SHANK2: variants seen among roughly 807,000 people sequenced by gnomAD.
SHANK2 encodes the protein SH3 and multiple ankyrin repeat domains 2, also known as SH3 and multiple ankyrin repeat domains protein 2.
In SHANK2, 43 loss-of-function variants were observed where a neutral mutation model predicts 133.7. The observed-to-expected ratio is 0.32, with a 90% CI of 0.25 to 0.41. The LOEUF is 0.41. SHANK2 is among the 10% of genes least tolerant of loss of function. SHANK2 has a pLI of 1.00. For synonymous variants in SHANK2, 1,017 were observed against 952.8 expected (o/e 1.07, Z -1.24); for missense variants, 1,994 against 2,235.8 (o/e 0.89, Z 2.18).
intron 2 of SHANK2, among the ~76,000 whole-genome samples, chr11:71,149,299 T>G (rs2135412745): frequency 6.6e-6 from 1 of 152,258 alleles, no homozygotes; most frequent in African/African-American, 2.4e-5. Context: ...AGAGACAGCT[T>G]TAGACCCTTG....
At chr11:70,844,610 G>A (rs1192902110) in intron 11 of SHANK2, among the ~76,000 whole-genome samples, 7 of 152,176 alleles carry the variant, frequency 4.6e-5, no homozygotes, top group Admixed American at 2.0e-4. Flanking sequence ...GGGATGTTAC[G>A]TAATATTCCT....
intron 14 of SHANK2, among the ~76,000 whole-genome samples, chr11:70,787,498 C>G (rs62638902): frequency 4.9e-5 from 3 of 61,064 alleles, no homozygotes; most frequent in Admixed American, 2.3e-4. Context: ...CCACCACCAG[C>G]ATCACCACCA....
intron 10 of SHANK2, among the ~76,000 whole-genome samples, chr11:70,919,817 A>C (rs1002430288): frequency 2.6e-5 from 4 of 152,224 alleles, no homozygotes; most frequent in Non-Finnish European, 5.9e-5. Flanking sequence ...ACTTGTTAAG[A>C]TTCTGCACAT....
chr11:70,918,004 C>T (rs1382566833), intron 10 of SHANK2, among the ~76,000 whole-genome samples: 1 of 141,442 alleles, frequency 7.1e-6, no homozygotes, highest in Non-Finnish European at 1.5e-5. Flanking sequence ...CACATATACC[C>T]CTGAACTTAA....
At chr11:70,916,380 G>A (rs1028000172) in intron 10 of SHANK2, among the ~76,000 whole-genome samples, 2 of 151,972 alleles carry the variant, frequency 1.3e-5, no homozygotes, top group Non-Finnish European at 2.9e-5. Flanking sequence ...CAACCCGGCT[G>A]GCCATCACAT....
At chr11:70,766,256 G>T (rs1201437796) in intron 14 of SHANK2, among the ~76,000 whole-genome samples, 1 of 152,248 alleles carries the variant, frequency 6.6e-6, no homozygotes, top group Non-Finnish European at 1.5e-5. Flanking sequence ...CAGAGGCCAG[G>T]TCCCTGTATG....
At chr11:70,829,268 C>T (rs1360511309) in intron 11 of SHANK2, among the ~76,000 whole-genome samples, 4 of 152,308 alleles carry the variant, frequency 2.6e-5, no homozygotes, top group African/African-American at 9.6e-5. Context: ...AAACCCAGAA[C>T]CTCTGGACGG....
rs1355028447 is a variant in SHANK2 at position 70,898,014 on chromosome 11, G to A, written c.1108-1447C>T. Among the ~76,000 whole-genome samples the A allele has an allele frequency of 7.4e-5, 11 of 148,770 alleles. No homozygotes were observed. In the Admixed American group the frequency reaches 7.4e-4, roughly 10 times the overall value. On this transcript the variant is annotated intron_variant, in intron 10 of 25. Transcript: ENST00000601538. ...GTCTTGTTCTGTCATCCAGGCTGGA[G>A]TGCAGTGATGTGATCTTGGCTCACT... is the stretch of plus-strand genomic sequence containing the variant.
At chr11:70,608,051 C>T (rs12289664) in intron 17 of SHANK2, among the ~76,000 whole-genome samples, 7,865 of 152,288 alleles carry the variant, frequency 0.052, 419 homozygotes, top group East Asian at 0.23. Flanking sequence ...GACCACTGCC[C>T]GCCATGTCCG....
chr11:70,658,858 T>C (rs1555012408), intron 17 of SHANK2, among the ~76,000 whole-genome samples: 1 of 152,238 alleles, frequency 6.6e-6, no homozygotes, highest in African/African-American at 2.4e-5. Context: ...GGATGCCACG[T>C]ACCCACCCCT....
chr11:70,702,496 CCAT>C lies in SHANK2; in HGVS notation c.1778-3736_1778-3734del, dbSNP rs1303814519. On this transcript the variant is annotated intron_variant, in intron 14 of 25. Coordinates refer to ENST00000601538, the MANE Select transcript of SHANK2 (RefSeq NM_012309.5). The stretch of plus-strand genomic sequence containing the variant: ...ACTAATCATCATCATGACCCCATCA[CCAT>C]CATCAGCACCACCATCCTCTTCTTC... Among the ~76,000 whole-genome samples the C allele has an allele frequency of 2.6e-5, 4 of 151,966 alleles. No homozygotes were observed. In the East Asian group the frequency reaches 7.7e-4, roughly 29 times the overall value.
chr11:71,214,757 G>A (rs1954368310), intron 2 of SHANK2, among the ~76,000 whole-genome samples: 2 of 152,140 alleles, frequency 1.3e-5, no homozygotes, highest in Admixed American at 6.5e-5. Flanking sequence ...GGGGTATCGC[G>A]CAGTTCTGAC....
chr11:70,821,420 TTTGTTG>T (rs1300804695), intron 11 of SHANK2, among the ~76,000 whole-genome samples: 1 of 151,806 alleles, frequency 6.6e-6, no homozygotes, highest in Non-Finnish European at 1.5e-5. Flanking sequence ...ATCTGGTTGT[TTTGTTG>T]TTGTTGTTGT....
chr11:71,129,566 G>A (rs1202900020), intron 3 of SHANK2, among the ~76,000 whole-genome samples: 3 of 152,160 alleles, frequency 2.0e-5, no homozygotes, highest in African/African-American at 2.4e-5. Flanking sequence ...GGTCCCTTGA[G>A]CTGGGAGGTT....
intron 17 of SHANK2, among the ~76,000 whole-genome samples, chr11:70,546,454 G>A (rs1021902027): frequency 2.0e-5 from 3 of 152,172 alleles, no homozygotes; most frequent in Non-Finnish European, 1.5e-5. Flanking sequence ...AATTCAAGAG[G>A]TTTTAAGAGT....
intron 2 of SHANK2, among the ~76,000 whole-genome samples, chr11:71,209,270 T>C (rs150246425): frequency 6.6e-6 from 1 of 152,312 alleles, no homozygotes; most frequent in Non-Finnish European, 1.5e-5. Context: ...GCAAGGACTG[T>C]CATGATTGTT....
chr11:71,064,948 T>C (rs1951030241), intron 9 of SHANK2, among the ~76,000 whole-genome samples: 1 of 152,054 alleles, frequency 6.6e-6, no homozygotes, highest in South Asian at 2.1e-4. Context: ...TGGGGTTTTC[T>C]AGAAGGCGCA....
chr11:71,085,506 GTTATATTATATATGCTATATA>G (rs1201885848), intron 8 of SHANK2, among the ~76,000 whole-genome samples: 5 of 106,266 alleles, frequency 4.7e-5, no homozygotes, highest in African/African-American at 1.9e-4. Flanking sequence ...TAATATATAT[GTTATATTATATATGCTATATA>G]TTATATTATA....
chr11:70,814,743 C>T (rs1220514217), intron 12 of SHANK2, among the ~76,000 whole-genome samples: 1 of 152,238 alleles, frequency 6.6e-6, no homozygotes, highest in African/African-American at 2.4e-5. Flanking sequence ...CAGCATTCAT[C>T]TCCACCAACT....
Sources: gnomAD v4.1 joint callset for allele counts (sites outside exome capture counted in the v4.1 genomes callset) on GRCh38, gnomAD v4.1.1 for gene constraint, MANE v1.5 for transcripts, NCBI Gene and HGNC (gene_info 2026-07-23, HGNC 2026-07-21) for gene names.